Variants in ARHGAP29 observed in about 807,000 individuals in gnomAD.
ARHGAP29 encodes the protein Rho GTPase activating protein 29.
ARHGAP29 carries 43 observed loss-of-function variants against 122.6 expected under a neutral mutation model. The observed-to-expected ratio is 0.35, with a 90% CI of 0.27 to 0.45. ARHGAP29 has a LOEUF of 0.45. ARHGAP29 is among the 20% of genes least tolerant of loss of function. ARHGAP29 has a pLI of 1.00. For missense variants in ARHGAP29, 1,303 were observed against 1,477.2 expected (o/e 0.88, Z 1.93); for synonymous variants, 506 against 497.1 (o/e 1.02, Z -0.24).
At chr1:94,265,140 A>G (rs906020109) in intron 1 of ARHGAP29, among the ~76,000 whole-genome samples, 1 of 151,998 alleles carries the variant, frequency 6.6e-6, no homozygotes, top group Non-Finnish European at 1.5e-5. Context: ...GCCCTTCCCT[A>G]CTTCTGTTAG....
the ARHGAP29 span, among the ~76,000 whole-genome samples, chr1:94,294,563 G>C: frequency 2.0e-5 from 3 of 152,298 alleles, no homozygotes; most frequent in East Asian, 5.8e-4. Context: ...TGGGATTACA[G>C]GTGTGAGCTA....
At position 94,251,248 on chromosome 1, in the gene ARHGAP29, G is replaced by A. The variant is rs1031637210; in HGVS notation, c.-32-19605C>T. ...TGCAGTGGCGCAATCTTGGCTTACT[G>A]CAAGCTCCACCTCCCGGGTTCACGC... On this transcript the variant is annotated intron_variant and NMD_transcript_variant, in intron 1 of 25. Transcript: ENST00000552844. Among the ~76,000 whole-genome samples the A allele has an allele frequency of 1.1e-4, 16 of 148,728 alleles. No individual in the cohort carries two copies. In the Admixed American group the frequency reaches 1.1e-3, roughly 10 times the overall value.
rs942693495 is a variant in ARHGAP29, at chr1:94,179,825, T to C, written c.2380A>G (p.Ile794Val). 1 of 1,613,572 alleles carries C rather than the reference T, an allele frequency of 6.2e-7. No homozygotes were observed. Among genetic ancestry groups the C allele is most frequent in the Admixed American group, 1.7e-5 (1 of 60,018 alleles). The change falls in exon 20 of 23, where the codon ATA (isoleucine) becomes GTA (valine). Residue 794 changes from isoleucine (I) to valine (V), a missense_variant. By Grantham distance (29) the Ile-to-Val change is conservative. Coordinates refer to ENST00000260526, the MANE Select transcript of ARHGAP29 (RefSeq NM_004815.4). Reference sequence around the variant, plus strand: ...TTTAGAAGAATTCGGTTTATTTCTATACACATATTTGGCCATTTTTTGTCT... The same window carrying C: ...TTTAGAAGAATTCGGTTTATTTCTACACACATATTTGGCCATTTTTTGTCT... The part of the protein sequence containing the change: ...LEDKKWPNMC[I>V]EINRILLKSK...
intron 15 of ARHGAP29, among the ~76,000 whole-genome samples, chr1:94,187,133 G>T (rs1393657286): frequency 1.3e-5 from 2 of 152,188 alleles, no homozygotes; most frequent in Non-Finnish European, 2.9e-5. Flanking sequence ...TACTGGCAGG[G>T]AGCTGAGACC....
the ARHGAP29 span, among the ~76,000 whole-genome samples, chr1:94,295,346 CT>C: frequency 6.6e-6 from 1 of 152,074 alleles, no homozygotes; most frequent in Non-Finnish European, 1.5e-5. Context: ...TGTTTTTAGG[CT>C]GCCTAGAGAA....
At chr1:94,201,998 C>T in intron 11 of ARHGAP29, 141 bp from the exon 12 acceptor site, 1 of 826,584 alleles carries the variant, frequency 1.2e-6, no homozygotes, top group Non-Finnish European at 1.8e-6. Context: ...TTAATCTGTT[C>T]TGGTCAGTGA....
chr1:94,209,664 A>G (rs1246304420), intron 3 of ARHGAP29, among the ~76,000 whole-genome samples: 6 of 151,974 alleles, frequency 3.9e-5, no homozygotes, highest in Non-Finnish European at 8.8e-5. Context: ...GTTACACCAC[A>G]CCTCTCAATT....
At chr1:94,211,936 G>C (rs11165094) in intron 3 of ARHGAP29, among the ~76,000 whole-genome samples, 143,612 of 151,994 alleles carry the variant, frequency 0.94, 68,424 homozygotes, top group East Asian at 1. Flanking sequence ...CCTGGTGTGT[G>C]ATGTTCCCCT....
chr1:94,252,342 C>T (rs540478629), intron 1 of ARHGAP29, among the ~76,000 whole-genome samples: 50 of 152,290 alleles, frequency 3.3e-4, no homozygotes, highest in African/African-American at 1.0e-3. Context: ...TAAGGAAGAA[C>T]GCTTCTTCCA....
chr1:94,307,245 A>G, the ARHGAP29 span, among the ~76,000 whole-genome samples: 4 of 152,310 alleles, frequency 2.6e-5, no homozygotes, highest in South Asian at 2.1e-4. Context: ...GATTGATGCC[A>G]CTATAAATAC....
chr1:94,214,505 A>G (rs1651838482), intron 3 of ARHGAP29, among the ~76,000 whole-genome samples: 2 of 152,148 alleles, frequency 1.3e-5, no homozygotes, highest in South Asian at 4.1e-4. Flanking sequence ...TTTCCATACA[A>G]TCCTTAGCTC....
the ARHGAP29 span, among the ~76,000 whole-genome samples, chr1:94,304,627 G>A: frequency 6.6e-6 from 1 of 152,232 alleles, no homozygotes; most frequent in Non-Finnish European, 1.5e-5. Flanking sequence ...CAGCAGTGGA[G>A]AGCAGGTATT....
At chr1:94,303,215 C>T in the ARHGAP29 span, among the ~76,000 whole-genome samples, 5 of 151,954 alleles carry the variant, frequency 3.3e-5, no homozygotes, top group Admixed American at 6.6e-5. Flanking sequence ...AATAAATTCC[C>T]GTGTACCCAG....
At position 94,169,429 on chromosome 1, in the gene ARHGAP29, T is replaced by C. The variant is rs186793033; in HGVS notation, c.*4440A>G. Among the ~76,000 whole-genome samples the C allele has an allele frequency of 2.0e-3, 307 of 151,926 alleles. No homozygotes were observed. The highest frequency in any genetic ancestry group is 3.4e-3 in the Middle Eastern group (1 of 294). ...AGACAGCAGCTGGCATGTCAAGAGG[T>C]TGAGGGAGGGAGGAAGAATGAACAA... is the stretch of plus-strand genomic sequence containing the variant. On this transcript the variant is annotated 3_prime_UTR_variant, in exon 23 of 23. Transcript: ENST00000260526.
chr1:94,295,797 A>ACAATGTGGAATCTTC, the ARHGAP29 span, among the ~76,000 whole-genome samples: 32 of 152,050 alleles, frequency 2.1e-4, no homozygotes, highest in South Asian at 6.3e-4. Context: ...CTAATTCCAC[A>ACAATGTGGAATCTTC]TTGGGGTATT....
rs1650957253 is a variant in ARHGAP29 at position 94,203,007 on chromosome 1, G to C, written c.874-9C>G. On this transcript the variant is annotated splice_polypyrimidine_tract_variant and intron_variant, in intron 9 of 22. Transcript: ENST00000260526. ...TTCCTTCCAAGTAGAGGCTGTGAAAGGTATTTAAAATGGAAAAAGAGAAAA... is the reference window on the plus strand; with the variant it reads ...TTCCTTCCAAGTAGAGGCTGTGAAACGTATTTAAAATGGAAAAAGAGAAAA... 1 of 1,604,114 alleles carries C rather than the reference G, an allele frequency of 6.2e-7. No homozygotes were observed. Among genetic ancestry groups the C allele is most frequent in the African/African-American group, 1.4e-5 (1 of 74,016 alleles).
chr1:94,295,721 C>T, the ARHGAP29 span, among the ~76,000 whole-genome samples: 35 of 151,260 alleles, frequency 2.3e-4, no homozygotes, highest in African/African-American at 8.6e-4. Context: ...TCTAACTCCA[C>T]ACAATGTGGA....
At position 94,231,499 on chromosome 1, in the gene ARHGAP29, G is replaced by A; in HGVS notation, c.113C>T (p.Ser38Phe). The A allele has an allele frequency of 6.2e-7, 1 of 1,613,790 alleles. No homozygotes were observed. ...EMGLKSLSSNSIFDPDYIKEL... is the reference protein window; with the variant it reads ...EMGLKSLSSNFIFDPDYIKEL... Reference sequence around the variant, plus strand: ...CTTGATGTAATCCGGATCAAAAATAGAGTTGGAACTTAAGGACTTGAGCCC... The same window carrying A: ...CTTGATGTAATCCGGATCAAAAATAAAGTTGGAACTTAAGGACTTGAGCCC... The change falls in exon 2 of 23, where the codon TCT becomes TTT. Residue 38 changes from serine (S) to phenylalanine (F), a missense_variant. Physicochemically the swap from Ser to Phe is radical, Grantham distance 155. Transcript: ENST00000260526.
the ARHGAP29 span, among the ~76,000 whole-genome samples, chr1:94,289,397 G>A: frequency 1.3e-4 from 20 of 152,290 alleles, no homozygotes; most frequent in South Asian, 3.9e-3. Flanking sequence ...GGGCTGAGAG[G>A]ATGGGGCTTT....
Sources: allele counts gnomAD v4.1 joint callset (sites outside exome capture counted in the v4.1 genomes callset), GRCh38; gene constraint gnomAD v4.1.1; transcripts MANE v1.5; gene names NCBI Gene and HGNC (gene_info 2026-07-23, HGNC 2026-07-21).